Variants in ATG14 observed in about 807,000 individuals in gnomAD.
ATG14 encodes beclin 1-associated autophagy-related key regulator.
ATG14 carries 35 observed loss-of-function variants against 60.4 expected under a neutral mutation model. The ratio of observed to expected loss-of-function variants is 0.58; its 90% CI spans 0.44 to 0.77. ATG14 has a LOEUF of 0.77. ATG14 is among the 30% of genes least tolerant of loss of function. The pLI, the probability that ATG14 is intolerant of heterozygous loss-of-function variation, is 0.00. For missense variants in ATG14, 647 were observed against 626.3 expected (o/e 1.03, Z -0.35); for synonymous variants, 234 against 228.8 (o/e 1.02, Z -0.21).
chr14:55,386,112 C>A lies in ATG14; in HGVS notation c.410-16G>T, dbSNP rs1885121954. 1 of 1,590,394 alleles carries A rather than the reference C, an allele frequency of 6.3e-7. No individual in the cohort carries two copies. Among genetic ancestry groups the A allele is most frequent in the Non-Finnish European group, 8.6e-7 (1 of 1,164,726 alleles). On this transcript the variant is annotated splice_polypyrimidine_tract_variant and intron_variant, in intron 4 of 9. Transcript: ENST00000247178. ...CCTTCAGAATCTAAAATAAATAAATCACACCCAACAATTATCTCTGCAAAC... is the reference window on the plus strand; with the variant it reads ...CCTTCAGAATCTAAAATAAATAAATAACACCCAACAATTATCTCTGCAAAC...
At chr14:55,396,579 G>T (rs921935182) in intron 2 of ATG14, among the ~76,000 whole-genome samples, 1 of 152,184 alleles carries the variant, frequency 6.6e-6, no homozygotes, top group Non-Finnish European at 1.5e-5. Flanking sequence ...TTCATCGGGG[G>T]TGTGAGACAT....
At chr14:55,406,062 A>C (rs1015712197) in intron 1 of ATG14, among the ~76,000 whole-genome samples, 8 of 152,198 alleles carry the variant, frequency 5.3e-5, no homozygotes, top group African/African-American at 1.7e-4. Flanking sequence ...TTTCTCAACT[A>C]ATCTGCCAAA....
chr14:55,383,641 T>C (rs1885074571), intron 5 of ATG14, among the ~76,000 whole-genome samples: 1 of 151,532 alleles, frequency 6.6e-6, no homozygotes, highest in Non-Finnish European at 1.5e-5. Flanking sequence ...TGATGACTCA[T>C]GCCTGTAATT....
At chr14:55,402,964 T>A (rs191580332) in intron 1 of ATG14, among the ~76,000 whole-genome samples, 249 of 59,704 alleles carry the variant, frequency 4.2e-3, no homozygotes, top group Non-Finnish European at 6.9e-3. Flanking sequence ...TATATATATA[T>A]ATATAAATAG....
chr14:55,385,821 T>A, intron 5 of ATG14, 38 bp downstream of exon 5: 1 of 1,503,082 alleles, frequency 6.7e-7, no homozygotes, highest in Non-Finnish European at 9.1e-7. Flanking sequence ...ATTTGGAACT[T>A]GATCTATTCC....
chr14:55,370,246 A>G (rs1288441390), intron 9 of ATG14, among the ~76,000 whole-genome samples: 1 of 152,210 alleles, frequency 6.6e-6, no homozygotes, highest in Non-Finnish European at 1.5e-5. Flanking sequence ...TCCTGTTGTA[A>G]AGAACTGCAG....
At chr14:55,387,886 C>T (rs1297256836) in intron 4 of ATG14, among the ~76,000 whole-genome samples, 2 of 152,160 alleles carry the variant, frequency 1.3e-5, no homozygotes, top group Non-Finnish European at 2.9e-5. Context: ...ATCTCAAACT[C>T]CTGACCTCAA....
At chr14:55,390,667 G>T (rs1198658725) in intron 4 of ATG14, among the ~76,000 whole-genome samples, 1 of 152,210 alleles carries the variant, frequency 6.6e-6, no homozygotes, top group Non-Finnish European at 1.5e-5. Flanking sequence ...TACCACGCCT[G>T]GCGCCTAACT....
chr14:55,371,717 C>T (rs371557593), intron 9 of ATG14, among the ~76,000 whole-genome samples: 4 of 152,006 alleles, frequency 2.6e-5, no homozygotes, highest in Non-Finnish European at 4.4e-5. Flanking sequence ...GGCAGGAGAA[C>T]GGTGTGAACC....
At chr14:55,399,969 C>T (rs1283743364) in intron 1 of ATG14, among the ~76,000 whole-genome samples, 1 of 152,150 alleles carries the variant, frequency 6.6e-6, no homozygotes, top group Non-Finnish European at 1.5e-5. Context: ...GAATAACAAA[C>T]AAAAGATAAG....
At chr14:55,396,624 G>C (rs1268691037) in intron 2 of ATG14, among the ~76,000 whole-genome samples, 2 of 152,172 alleles carry the variant, frequency 1.3e-5, no homozygotes, top group African/African-American at 4.8e-5. Context: ...TGCCACAAAA[G>C]AGACAACCCT....
In ATG14 at chr14:55,369,844, CTCA is replaced by C; in HGVS notation, c.1251_1253del (p.Asp417del). The C allele has an allele frequency of 1.9e-6, 3 of 1,614,208 alleles. No homozygotes were observed. The highest frequency in any genetic ancestry group is 2.2e-5 in the East Asian group (1 of 44,888). On this transcript the variant is annotated inframe_deletion, in exon 10 of 10. Transcript: ENST00000247178. ...CATCGCTGACGCGCTCATCTCCGCT[CTCA>C]TCTGATTCTCCAGCAACTCCGGGAT... is the stretch of plus-strand genomic sequence containing the variant.
chr14:55,409,730 G>A (rs528452772), intron 1 of ATG14, among the ~76,000 whole-genome samples: 2 of 152,258 alleles, frequency 1.3e-5, no homozygotes, highest in East Asian at 3.9e-4. Context: ...AATAATAGGA[G>A]ATTAAATCAG....
At chr14:55,402,663 C>T (rs1594784629) in intron 1 of ATG14, among the ~76,000 whole-genome samples, 1 of 150,994 alleles carries the variant, frequency 6.6e-6, no homozygotes, top group East Asian at 2.0e-4. Flanking sequence ...AAACCTGGTC[C>T]TTATCAGGAT....
chr14:55,382,958 A>C (rs1191745920), intron 5 of ATG14, among the ~76,000 whole-genome samples: 1 of 152,266 alleles, frequency 6.6e-6, no homozygotes, highest in Non-Finnish European at 1.5e-5. Context: ...AAACTTTCAA[A>C]ACAAAAAATT....
At chr14:55,399,482 A>G (rs1253398263) in intron 1 of ATG14, among the ~76,000 whole-genome samples, 1 of 152,200 alleles carries the variant, frequency 6.6e-6, no homozygotes, top group Non-Finnish European at 1.5e-5. Context: ...GGATGAACCC[A>G]TAGATTCATC....
intron 3 of ATG14, among the ~76,000 whole-genome samples, chr14:55,394,433 A>G (rs949233530): frequency 1.3e-5 from 2 of 152,162 alleles, no homozygotes; most frequent in African/African-American, 4.8e-5. Flanking sequence ...TTCTTTTTTA[A>G]AGTTATTCCA....
intron 4 of ATG14, among the ~76,000 whole-genome samples, chr14:55,386,937 A>G (rs1387917519): frequency 6.6e-6 from 1 of 152,142 alleles, no homozygotes; most frequent in Non-Finnish European, 1.5e-5. Flanking sequence ...AATCTTCTCC[A>G]GTTTCCCTAC....
At chr14:55,378,443 T>G (rs1884962345) in intron 7 of ATG14, among the ~76,000 whole-genome samples, 1 of 152,260 alleles carries the variant, frequency 6.6e-6, no homozygotes, top group Non-Finnish European at 1.5e-5. Context: ...ATCTGCTTTA[T>G]GCAGAATGGC....
Sources: gnomAD v4.1 joint callset for allele counts (sites outside exome capture counted in the v4.1 genomes callset) on GRCh38, gnomAD v4.1.1 for gene constraint, MANE v1.5 for transcripts, NCBI Gene and HGNC (gene_info 2026-07-23, HGNC 2026-07-21) for gene names.